The following POU6F2 variants were observed in gnomAD, a reference collection of about 807,000 sequenced individuals.
The protein encoded by POU6F2 is POU class 6 homeobox 2, also known as POU domain, class 6, transcription factor 2.
In POU6F2, 31 loss-of-function variants were observed where a neutral mutation model predicts 71.3. The ratio of observed to expected loss-of-function variants is 0.43; its 90% CI spans 0.33 to 0.59. The LOEUF (loss-of-function observed/expected upper bound fraction) is 0.59, where lower values mean the gene tolerates loss of function less well. Among genes scored for constraint, POU6F2 ranks in the 20% least tolerant of loss-of-function variants. The pLI, the probability that POU6F2 is intolerant of heterozygous loss-of-function variation, is 0.04. For missense variants in POU6F2, 783 were observed against 856.8 expected (o/e 0.91, Z 1.07); for synonymous variants, 347 against 355.7 (o/e 0.98, Z 0.27).
intron 1 of POU6F2, among the ~76,000 whole-genome samples, chr7:39,022,346 ATTTAC>A (rs1052590535): frequency 6.6e-6 from 1 of 151,844 alleles, no homozygotes; most frequent in African/African-American, 2.4e-5. Flanking sequence ...AGTTTCCTAT[ATTTAC>A]TTTTATCTGT....
At chr7:39,376,337 G>A (rs565071194) in intron 5 of POU6F2, among the ~76,000 whole-genome samples, 1 of 152,146 alleles carries the variant, frequency 6.6e-6, no homozygotes, top group South Asian at 2.1e-4. Flanking sequence ...TTTTTTTCTG[G>A]TCTGCTAAAA....
chr7:39,287,553 TGTAA>T (rs1336268136), intron 4 of POU6F2, among the ~76,000 whole-genome samples: 1 of 152,246 alleles, frequency 6.6e-6, no homozygotes, highest in Non-Finnish European at 1.5e-5. Context: ...CAGAGTACTA[TGTAA>T]GTGTTAGCTG....
chr7:39,035,328 T>A (rs984760200), intron 1 of POU6F2, among the ~76,000 whole-genome samples: 2 of 152,068 alleles, frequency 1.3e-5, no homozygotes, highest in Non-Finnish European at 1.5e-5. Context: ...CTTTTATGAG[T>A]TTTTCTTCAT....
chr7:39,207,869 G>A lies in POU6F2; in HGVS notation c.598+249G>A, dbSNP rs73367218. Among the ~76,000 whole-genome samples, 1,063 of 152,294 alleles carry A rather than the reference G, an allele frequency of 7.0e-3. 8 individuals carry two copies. The highest frequency in any genetic ancestry group is 0.025 in the African/African-American group (1,022 of 41,552). ...TCAAAACTTTTCAGGACTCCTGGAA[G>A]CATTTATGAGTCATCATTGCATGAC... On this transcript the variant is annotated intron_variant, in intron 4 of 9. Transcript: ENST00000518318.
chr7:39,288,749 G>C (rs967291497), intron 4 of POU6F2, among the ~76,000 whole-genome samples: 2 of 152,148 alleles, frequency 1.3e-5, no homozygotes, highest in African/African-American at 2.4e-5. Flanking sequence ...CAGAGTGTCT[G>C]GCACATAGAA....
chr7:39,255,864 G>C (rs940611737), intron 4 of POU6F2, among the ~76,000 whole-genome samples: 9 of 152,132 alleles, frequency 5.9e-5, no homozygotes, highest in Non-Finnish European at 1.2e-4. Flanking sequence ...CAAATTTCCA[G>C]CCATGAGCTC....
rs762866646 is a variant in POU6F2, at chr7:39,464,335, G to A, written c.1812G>A (p.Lys604=). 1 of 1,614,046 alleles carries A rather than the reference G, an allele frequency of 6.2e-7. No individual in the cohort carries two copies. The highest frequency in any genetic ancestry group is 1.1e-5 in the South Asian group (1 of 91,082). ...CCCCTAAAAGTGCCCAGAAGATCAA[G>A]CCGGTGCTTGAGCGGTGGATGGCTG... ...DITPKSAQKI[K]PVLERWMAEA... Residue 604 remains lysine (K), a synonymous_variant, in exon 10 of 10, where the codon AAG becomes AAA. Transcript: ENST00000518318. This position sits in a 1 kb window ranked among gnomAD's most constrained non-coding sequence, Gnocchi z 4.1.
intron 2 of POU6F2, among the ~76,000 whole-genome samples, chr7:39,188,197 T>C (rs1409666471): frequency 1.3e-5 from 2 of 152,148 alleles, no homozygotes; most frequent in East Asian, 1.9e-4. Context: ...CATTTTAGAG[T>C]TGAAGAAACT....
intron 5 of POU6F2, among the ~76,000 whole-genome samples, chr7:39,401,350 T>A (rs538040814): frequency 6.6e-6 from 1 of 152,250 alleles, no homozygotes; most frequent in East Asian, 1.9e-4. Flanking sequence ...AAATCCTGGC[T>A]CAATACTGGA....
At chr7:39,087,239 T>A (rs1428138145) in intron 2 of POU6F2, among the ~76,000 whole-genome samples, 1 of 151,722 alleles carries the variant, frequency 6.6e-6, no homozygotes, top group Non-Finnish European at 1.5e-5. Context: ...GTTTGGCAAC[T>A]CTAGGCTAGC....
At chr7:39,077,254 C>T (rs547956979) in intron 1 of POU6F2, among the ~76,000 whole-genome samples, 1 of 152,130 alleles carries the variant, frequency 6.6e-6, no homozygotes, top group Admixed American at 6.5e-5. Flanking sequence ...CCAGTGTCTC[C>T]CTTTCTTCCC....
chr7:39,159,199 AT>A (rs1439750348), intron 2 of POU6F2, among the ~76,000 whole-genome samples: 2 of 152,054 alleles, frequency 1.3e-5, no homozygotes, highest in South Asian at 2.1e-4. Context: ...AATAAAAAAA[AT>A]AACCATTTCA....
intron 1 of POU6F2, among the ~76,000 whole-genome samples, chr7:39,024,613 G>T (rs960808763): frequency 2.3e-4 from 35 of 152,174 alleles, no homozygotes; most frequent in African/African-American, 8.2e-4. Context: ...TCCAGTTTTT[G>T]CCCATTCAGT....
At chr7:39,255,661 G>A (rs555969389) in intron 4 of POU6F2, among the ~76,000 whole-genome samples, 43 of 152,278 alleles carry the variant, frequency 2.8e-4, no homozygotes, top group South Asian at 2.1e-3. Flanking sequence ...TGGATTAATC[G>A]GTTGCCAAAT....
chr7:39,313,468 A>G (rs145522203), intron 4 of POU6F2, among the ~76,000 whole-genome samples: 1 of 152,182 alleles, frequency 6.6e-6, no homozygotes, highest in Non-Finnish European at 1.5e-5. Context: ...CCAGACTACA[A>G]TGTAAGTTCC....
intron 1 of POU6F2, among the ~76,000 whole-genome samples, chr7:39,056,676 GTA>G (rs754629269): frequency 0.087 from 10,496 of 120,322 alleles, 437 homozygotes; most frequent in African/African-American, 0.14. Context: ...GTGTGTGTGT[GTA>G]TGTGTGTGTG....
chr7:39,363,203 A>G (rs1786428088), intron 5 of POU6F2, among the ~76,000 whole-genome samples: 1 of 152,188 alleles, frequency 6.6e-6, no homozygotes, highest in Admixed American at 6.5e-5. Flanking sequence ...GACTCTGAAT[A>G]TATTTTAAGG....
chr7:39,292,062 G>A (rs941580768), intron 4 of POU6F2, among the ~76,000 whole-genome samples: 7 of 151,300 alleles, frequency 4.6e-5, no homozygotes, highest in African/African-American at 1.7e-4. Flanking sequence ...GGAGAGGAGA[G>A]AGCAACAAGA....
At chr7:39,142,803 C>T (rs58896965) in intron 2 of POU6F2, among the ~76,000 whole-genome samples, 3 of 152,210 alleles carry the variant, frequency 2.0e-5, no homozygotes, top group East Asian at 3.9e-4. Flanking sequence ...AATTCATTCC[C>T]GAGTTAATGA....
Sources: allele counts gnomAD v4.1 joint callset (sites outside exome capture counted in the v4.1 genomes callset), GRCh38; gene constraint gnomAD v4.1.1; non-coding constraint Gnocchi (gnomAD v3.1); transcripts MANE v1.5; gene names NCBI Gene and HGNC (gene_info 2026-07-23, HGNC 2026-07-21).